The following FAM83F variants were observed in gnomAD, a reference collection of about 807,000 sequenced individuals.
The protein encoded by FAM83F is protein FAM83F.
Under a neutral mutation model 42.9 loss-of-function variants are expected in FAM83F, and 45 were observed. The ratio of observed to expected loss-of-function variants is 1.05; its 90% CI spans 0.83 to 1.35. FAM83F has a LOEUF of 1.35. Ranked by LOEUF, FAM83F falls within the 40% of genes most tolerant of loss-of-function variation. The pLI is 0.00. For missense variants in FAM83F, 617 were observed against 695.9 expected (o/e 0.89, Z 1.28); for synonymous variants, 306 against 298.3 (o/e 1.03, Z -0.27).
At chr22:40,008,073 G>A (rs1022016190) in intron 1 of FAM83F, among the ~76,000 whole-genome samples, 2 of 152,216 alleles carry the variant, frequency 1.3e-5, no homozygotes, top group African/African-American at 4.8e-5. Context: ...ATGGCTGGGT[G>A]AACGGTTCAT....
intron 2 of FAM83F, 88 bp downstream of exon 2, chr22:40,019,423 C>A (rs2067508109): frequency 5.5e-6 from 7 of 1,280,552 alleles, no homozygotes; most frequent in Middle Eastern, 2.0e-4. Flanking sequence ...CTGCCTCTTC[C>A]CTGAATGGGG....
At chr22:39,998,245 A>T (rs914363787) in intron 1 of FAM83F, among the ~76,000 whole-genome samples, 9 of 152,172 alleles carry the variant, frequency 5.9e-5, no homozygotes, top group African/African-American at 2.2e-4. Context: ...GATGGTTTAC[A>T]TGCAGGGACA....
Position 40,040,270 on chromosome 22 carries a change from C to T in FAM83F, c.*10705C>T, listed in dbSNP as rs1221208908. The T allele has an allele frequency of 4.6e-5, 7 of 152,206 alleles. No individual in the cohort carries two copies. Among genetic ancestry groups the T allele is most frequent in the Non-Finnish European group, 8.8e-5 (6 of 68,042 alleles). 9.4% of individuals were successfully genotyped at this position (152,206 alleles called of 1,614,324 possible). A position where few individuals can be genotyped will look rare whatever the true frequency, so the allele number is the denominator to read the frequency against. On this transcript the variant is annotated 3_prime_UTR_variant, in exon 5 of 5. Transcript: ENST00000333407. ...GGCAATATAGCAGCGTGGACAAGAG[C>T]TTACTCGTTGGAGTCAGACCGCCTA...
chr22:39,996,690 C>G (rs1354828314), intron 1 of FAM83F, among the ~76,000 whole-genome samples: 1 of 152,192 alleles, frequency 6.6e-6, no homozygotes, highest in East Asian at 1.9e-4. Flanking sequence ...AAGACCAGTG[C>G]TCAGGCTCAT....
Position 40,021,611 on chromosome 22 carries a change from G to A in FAM83F, c.1101G>A (p.Ser367=), listed in dbSNP as rs373307669. ...AGGAGGGCGCCAGCGGTGGCGAGTC[G>A]GCCTGGCGCCTGGAGAGCTTCCTGA... is the stretch of plus-strand genomic sequence containing the variant. ...GQEEGASGGE[S]AWRLESFLKD... The change falls in exon 4 of 5, where the codon TCG becomes TCA. Residue 367 remains serine, a synonymous_variant. Coordinates refer to ENST00000333407, the MANE Select transcript of FAM83F (RefSeq NM_138435.4). The surrounding 1 kb of genome is among the most constrained non-coding windows in gnomAD (Gnocchi z 8.7). The A allele has an allele frequency of 6.4e-5, 101 of 1,584,362 alleles. No homozygotes were observed. Among genetic ancestry groups the A allele is most frequent in the Middle Eastern group, 1.7e-4 (1 of 5,950 alleles).
rs1569227784 is a variant in FAM83F at position 39,995,324 on chromosome 22, C to G, written c.282C>G (p.Pro94=). 1 of 1,538,978 alleles carries G rather than the reference C, an allele frequency of 6.5e-7. No individual in the cohort carries two copies. Among genetic ancestry groups the G allele is most frequent in the East Asian group, 2.4e-5 (1 of 40,854 alleles). The change falls in exon 1 of 5, where the codon CCC becomes CCG. Residue 94 remains proline, a synonymous_variant. Transcript: ENST00000333407. The surrounding 1 kb of genome is among the most constrained non-coding windows in gnomAD (Gnocchi z 4.6). ...AGAGCAAGGCCAAGGCCAAGGCCCC[C>G]GCGCCGGCGCCGGCTGAGTCCGGCG... ...RGKSKAKAKA[P]APAPAESGES... is the part of the protein sequence containing the mutation.
At position 40,019,926 on chromosome 22, in the gene FAM83F, A is replaced by C. The variant is rs779973746; in HGVS notation, c.697A>C (p.Met233Leu). The C allele has an allele frequency of 1.9e-6, 3 of 1,613,454 alleles. No individual in the cohort carries two copies. The highest frequency in any genetic ancestry group is 2.7e-5 in the African/African-American group (2 of 74,966). Residue 233 changes from methionine to leucine, a missense_variant, in exon 3 of 5, where the codon ATG (methionine) becomes CTG (leucine). Transcript: ENST00000333407. ...VRSVTGVGFY[M>L]PMGRIKGTLS... ...CTCTGTGACAGGCGTCGGCTTCTAC[A>C]TGCCCATGGGGAGGATCAAGGGGAC... is the stretch of plus-strand genomic sequence containing the variant.
chr22:39,995,081 C>T lies in FAM83F; in HGVS notation c.39C>T (p.His13=), dbSNP rs371318214. ...ESQLNCLDEA[H]VNEKVTEAQA... is the part of the protein sequence containing the mutation. ...AGCTGAACTGCCTGGACGAGGCGCACGTGAACGAGAAGGTGACCGAGGCGC... is the reference window on the plus strand; with the variant it reads ...AGCTGAACTGCCTGGACGAGGCGCATGTGAACGAGAAGGTGACCGAGGCGC... Residue 13 remains histidine (H), a synonymous_variant, in exon 1 of 5, where the codon CAC becomes CAT. Transcript: ENST00000333407. This position sits in a 1 kb window ranked among gnomAD's most constrained non-coding sequence, Gnocchi z 4.6. 4 of 1,347,958 alleles carry T rather than the reference C, an allele frequency of 3.0e-6. No homozygotes were observed. The highest frequency in any genetic ancestry group is 3.8e-6 in the Non-Finnish European group (4 of 1,057,540). The allele number at this position is 1,347,958 out of a possible 1,614,324, so 83.5% of individuals were successfully genotyped here. A position where few individuals can be genotyped will look rare whatever the true frequency, so the allele number is the denominator to read the frequency against.
intron 4 of FAM83F, among the ~76,000 whole-genome samples, chr22:40,027,234 A>G (rs2067558636): frequency 6.6e-6 from 1 of 152,130 alleles, no homozygotes; most frequent in South Asian, 2.1e-4. Flanking sequence ...CTGAGGGAAG[A>G]TTCTTCCAGA....
At chr22:40,025,118 CCTTGGTAAA>C (rs2067544383) in intron 4 of FAM83F, among the ~76,000 whole-genome samples, 1 of 152,192 alleles carries the variant, frequency 6.6e-6, no homozygotes, top group African/African-American at 2.4e-5. Flanking sequence ...CAGTGGAGAG[CCTTGGTAAA>C]CATGCAACGA....
At chr22:40,015,255 C>T (rs2145716847) in intron 1 of FAM83F, among the ~76,000 whole-genome samples, 1 of 152,318 alleles carries the variant, frequency 6.6e-6, no homozygotes, top group East Asian at 1.9e-4. Context: ...AGAATTCCTT[C>T]CTGCCCAGGG....
At chr22:40,013,870 G>C (rs2067480078) in intron 1 of FAM83F, among the ~76,000 whole-genome samples, 1 of 151,878 alleles carries the variant, frequency 6.6e-6, no homozygotes, top group Non-Finnish European at 1.5e-5. Context: ...ATGTGGTTAG[G>C]TTTTAACTGT....
intron 1 of FAM83F, among the ~76,000 whole-genome samples, chr22:40,016,186 G>A (rs1272961391): frequency 5.0e-5 from 4 of 79,982 alleles, no homozygotes; most frequent in African/African-American, 2.0e-4. Flanking sequence ...TTGACTATAC[G>A]TTGTTGTTGT....
intron 3 of FAM83F, among the ~76,000 whole-genome samples, chr22:40,020,387 G>C (rs912755343): frequency 5.4e-5 from 8 of 146,948 alleles, no homozygotes; most frequent in African/African-American, 1.3e-4. Context: ...TTTTGAGACG[G>C]AGTCTTGCTC....
At chr22:40,019,391 T>G in intron 2 of FAM83F, 56 bp downstream of exon 2, 2 of 1,532,100 alleles carry the variant, frequency 1.3e-6, no homozygotes, top group Non-Finnish European at 1.8e-6. Context: ...AGACTACCTC[T>G]GCCCCGTCCT....
At chr22:40,002,519 C>T (rs752374831) in intron 1 of FAM83F, among the ~76,000 whole-genome samples, 4 of 152,150 alleles carry the variant, frequency 2.6e-5, no homozygotes, top group Non-Finnish European at 5.9e-5. Context: ...GGTAGCAAAG[C>T]CAGTTCTGTT....
chr22:40,026,653 G>A (rs1478647418), intron 4 of FAM83F, among the ~76,000 whole-genome samples: 1 of 152,192 alleles, frequency 6.6e-6, no homozygotes, highest in African/African-American at 2.4e-5. Flanking sequence ...AGAGTGCCTC[G>A]GGGTCCTTTC....
Position 40,019,985 on chromosome 22 carries a change from CAA to C in FAM83F, c.758_759del (p.Lys253SerfsTer32). On this transcript the variant is annotated frameshift_variant, in exon 3 of 5. Coordinates refer to ENST00000333407, the MANE Select transcript of FAM83F (RefSeq NM_138435.4). LOFTEE classifies it high-confidence loss of function. ...SSRFLMVDGD[K>X]VATGSYRFTW... ...CAAGGTTCCTGATGGTGGACGGTGA[CAA>C]AGTGGCCACTGGATCTTACAGGTGA... The C allele has an allele frequency of 6.2e-7, 1 of 1,613,300 alleles. No homozygotes were observed. The highest frequency in any genetic ancestry group is 1.1e-5 in the South Asian group (1 of 91,006).
At chr22:40,000,920 C>T (rs977701041) in intron 1 of FAM83F, among the ~76,000 whole-genome samples, 12 of 152,246 alleles carry the variant, frequency 7.9e-5, no homozygotes, top group South Asian at 4.1e-4. Context: ...CACTCCTAAT[C>T]GTTCCACCCT....
Sources: allele counts gnomAD v4.1 joint callset (sites outside exome capture counted in the v4.1 genomes callset), GRCh38; gene constraint gnomAD v4.1.1; non-coding constraint Gnocchi (gnomAD v3.1); transcripts MANE v1.5; gene names NCBI Gene and HGNC (gene_info 2026-07-23, HGNC 2026-07-21).